The following THSD7B variants were observed in gnomAD, a reference collection of about 807,000 sequenced individuals.
THSD7B encodes thrombospondin type 1 domain containing 7B.
A neutral mutation model predicts 213.6 loss-of-function variants in THSD7B; 138 were observed. That is an observed-to-expected ratio of 0.65 (90% CI 0.56 to 0.74). THSD7B has a LOEUF of 0.74. Among genes scored for constraint, THSD7B ranks in the 30% least tolerant of loss-of-function variants. THSD7B has a pLI of 0.00. For missense variants in THSD7B, 1,931 were observed against 1,991.5 expected, an observed-to-expected ratio of 0.97 and a Z score of 0.58; for synonymous variants, 742 against 687.0, an observed-to-expected ratio of 1.08 and a Z score of -1.25.
At chr2:136,874,345 T>A (rs2104984387) in intron 1 of THSD7B, among the ~76,000 whole-genome samples, 1 of 152,312 alleles carries the variant, frequency 6.6e-6, no homozygotes, top group African/African-American at 2.4e-5. Context: ...GGTCATTGTC[T>A]TGTATACAGC....
intron 1 of THSD7B, among the ~76,000 whole-genome samples, chr2:136,781,374 C>T (rs1039541296): frequency 1.3e-5 from 2 of 151,136 alleles, no homozygotes; most frequent in African/African-American, 4.9e-5. Flanking sequence ...AAGAGATTCT[C>T]CTGCCTCAGC....
intron 5 of THSD7B, among the ~76,000 whole-genome samples, chr2:137,150,960 A>G (rs1414617999): frequency 6.6e-6 from 1 of 152,188 alleles, no homozygotes; most frequent in African/African-American, 2.4e-5. Flanking sequence ...AACCCGGCAC[A>G]TCTGTGTAGG....
chr2:137,124,122 G>A lies in THSD7B; in HGVS notation c.1369+8829G>A, dbSNP rs556455186. ...TTAAGTTCTTTTTCTGAGAGTAGAA[G>A]ATTACATTTGGAAAACCACGCTGAG... On this transcript the variant is annotated intron_variant, in intron 5 of 27. Transcript: ENST00000409968. Among the ~76,000 whole-genome samples, 12 of 152,262 alleles carry A rather than the reference G, an allele frequency of 7.9e-5. No individual in the cohort carries two copies. The South Asian group carries it at 2.5e-3, about 32-fold the overall frequency.
intron 17 of THSD7B, among the ~76,000 whole-genome samples, chr2:137,591,833 C>T (rs990474553): frequency 4.0e-5 from 6 of 151,770 alleles, no homozygotes; most frequent in African/African-American, 1.2e-4. Flanking sequence ...TTGTTTCATA[C>T]GAACATTTTG....
intron 4 of THSD7B, among the ~76,000 whole-genome samples, chr2:137,112,887 C>G (rs1459273455): frequency 6.6e-6 from 1 of 152,004 alleles, no homozygotes; most frequent in Non-Finnish European, 1.5e-5. Flanking sequence ...ATGTCAGGCT[C>G]AATGATTGGT....
intron 2 of THSD7B, among the ~76,000 whole-genome samples, chr2:136,923,383 C>T (rs1172899672): frequency 1.3e-5 from 2 of 152,152 alleles, no homozygotes; most frequent in Non-Finnish European, 2.9e-5. Flanking sequence ...CAACTCTTGG[C>T]TATTGTGAAT....
chr2:137,213,136 T>C (rs1038074189), intron 7 of THSD7B, among the ~76,000 whole-genome samples: 30 of 151,026 alleles, frequency 2.0e-4, no homozygotes, highest in African/African-American at 7.0e-4. Context: ...CACTAAAGAA[T>C]ATTAATATAT....
intron 12 of THSD7B, 24 bp from the exon 13 acceptor site, chr2:137,405,589 A>G (rs1351537780): frequency 6.4e-7 from 1 of 1,571,494 alleles, no homozygotes; most frequent in East Asian, 2.3e-5. Flanking sequence ...AAATAATAAC[A>G]AAAGAATTCA....
chr2:137,296,972 A>G (rs1683481019), intron 12 of THSD7B, among the ~76,000 whole-genome samples: 1 of 151,818 alleles, frequency 6.6e-6, no homozygotes, highest in Non-Finnish European at 1.5e-5. Context: ...TATGTGGTTC[A>G]TATTTATTGC....
chr2:137,445,960 G>GA (rs1266959076), intron 14 of THSD7B, among the ~76,000 whole-genome samples: 2 of 151,172 alleles, frequency 1.3e-5, no homozygotes, highest in Non-Finnish European at 3.0e-5. Context: ...TAAATATTGA[G>GA]AAAATCACAA....
At chr2:137,083,558 G>C (rs1173088425) in intron 3 of THSD7B, among the ~76,000 whole-genome samples, 1 of 151,960 alleles carries the variant, frequency 6.6e-6, no homozygotes, top group Non-Finnish European at 1.5e-5. Context: ...TTTTTTATAT[G>C]TTTCTATTAG....
chr2:137,272,244 A>G (rs1194054405), intron 10 of THSD7B, among the ~76,000 whole-genome samples: 1 of 152,112 alleles, frequency 6.6e-6, no homozygotes, highest in Non-Finnish European at 1.5e-5. Flanking sequence ...GGCCCCTTCG[A>G]TCATGCCATA....
intron 25 of THSD7B, 66 bp downstream of exon 25, chr2:137,659,812 G>A (rs917927233): frequency 1.4e-6 from 2 of 1,474,040 alleles, no homozygotes; most frequent in Non-Finnish European, 9.2e-7. Flanking sequence ...GCAATCAGAT[G>A]TTCTCCTGCC....
chr2:137,616,174 G>T lies in THSD7B; in HGVS notation c.3424-1G>T. On this transcript the variant is annotated splice_acceptor_variant, in intron 17 of 27. Coordinates refer to ENST00000409968, the MANE Select transcript of THSD7B (RefSeq NM_001316349.2). LOFTEE classifies it high-confidence loss of function. ...AACTTTTCCTACTCTGATTTTAATA[G>T]TCATGCGATCCCCACACAATGCAGA... 6.2e-7 allele frequency: 1 copy of T among 1,610,630 alleles called. No homozygotes were observed. Among genetic ancestry groups the T allele is most frequent in the Non-Finnish European group, 8.5e-7 (1 of 1,178,896 alleles).
chr2:137,505,617 C>A (rs984900637), intron 15 of THSD7B, among the ~76,000 whole-genome samples: 2 of 152,182 alleles, frequency 1.3e-5, no homozygotes, highest in Non-Finnish European at 2.9e-5. Context: ...TAAAGTTGTA[C>A]AGAGTGGCAA....
At chr2:137,588,970 G>A (rs1023889733) in intron 17 of THSD7B, among the ~76,000 whole-genome samples, 30 of 151,974 alleles carry the variant, frequency 2.0e-4, no homozygotes, top group African/African-American at 6.8e-4. Context: ...AGTAGAGATG[G>A]GGTTTTGCCA....
At chr2:137,289,668 A>G (rs967235093) in intron 12 of THSD7B, among the ~76,000 whole-genome samples, 3 of 152,142 alleles carry the variant, frequency 2.0e-5, no homozygotes, top group Non-Finnish European at 4.4e-5. Flanking sequence ...ACTAAGGGCT[A>G]ACAGCAAACA....
At chr2:137,359,467 G>C (rs1685205598) in intron 12 of THSD7B, among the ~76,000 whole-genome samples, 1 of 152,184 alleles carries the variant, frequency 6.6e-6, no homozygotes, top group African/African-American at 2.4e-5. Context: ...GGGGGTGCTA[G>C]TGAAGTCCAA....
chr2:137,215,321 C>A (rs1681211153), intron 7 of THSD7B, among the ~76,000 whole-genome samples: 1 of 152,062 alleles, frequency 6.6e-6, no homozygotes, highest in Non-Finnish European at 1.5e-5. Flanking sequence ...CTCGTAGATT[C>A]TGGATATTAG....
Sources: gnomAD v4.1 joint callset for allele counts (sites outside exome capture counted in the v4.1 genomes callset) on GRCh38, gnomAD v4.1.1 for gene constraint, MANE v1.5 for transcripts, NCBI Gene and HGNC (gene_info 2026-07-23, HGNC 2026-07-21) for gene names.